Variants in HUNK observed in about 807,000 individuals in gnomAD.
The protein encoded by HUNK is hormonally up-regulated Neu-associated kinase.
HUNK carries 21 observed loss-of-function variants against 61.0 expected under a neutral mutation model. The observed-to-expected ratio is 0.34, with a 90% CI of 0.24 to 0.50. The LOEUF is 0.50. Ranked by LOEUF, HUNK falls within the 20% of genes least tolerant of loss-of-function variation. The pLI is 0.98. For missense variants in HUNK, 772 were observed against 945.7 expected (o/e 0.82, Z 2.41); for synonymous variants, 371 against 386.1 (o/e 0.96, Z 0.46).
intron 7 of HUNK, among the ~76,000 whole-genome samples, chr21:31,977,818 TCAGGAGGCTGAGG>T (rs574998824): frequency 6.6e-6 from 1 of 152,288 alleles, no homozygotes; most frequent in South Asian, 2.1e-4. Context: ...TCCCAGCTAC[TCAGGAGGCTGAGG>T]CAGGAGGATC....
intron 10 of HUNK, among the ~76,000 whole-genome samples, chr21:31,998,163 C>T (rs565985348): frequency 6.6e-6 from 1 of 152,314 alleles, no homozygotes; most frequent in East Asian, 1.9e-4. Flanking sequence ...AAGCAGTCCT[C>T]CCACCTTGGC....
Position 31,998,911 on chromosome 21 carries a change from C to T in HUNK, c.1872C>T (p.His624=), listed in dbSNP as rs376197217. The T allele has an allele frequency of 7.4e-6, 12 of 1,614,066 alleles. No homozygotes were observed. In the African/African-American group the frequency reaches 9.3e-5, roughly 13 times the overall value. The change falls in exon 11 of 11, where the codon CAC becomes CAT. Residue 624 remains histidine (H), a synonymous_variant. Transcript: ENST00000270112. ...ATCCAACTCTGGTCTCTTTTGCTCA[C>T]GAAGATAAGAACAGCCCCCCAAAAG... ...PLHPTLVSFA[H]EDKNSPPKEE... is the part of the protein sequence containing the mutation.
In HUNK at chr21:31,946,046, G is replaced by A; in HGVS notation, c.621G>A (p.Leu207=). 6.3e-7 allele frequency: 1 copy of A among 1,594,366 alleles called. No individual in the cohort carries two copies. The highest frequency in any genetic ancestry group is 8.6e-7 in the Non-Finnish European group (1 of 1,164,912). Residue 207 remains leucine (L), a synonymous_variant, in exon 4 of 11, where the codon TTG becomes TTA. Coordinates refer to ENST00000270112, the MANE Select transcript of HUNK (RefSeq NM_014586.2). ...CACCTCTCTTTGCAGACTTTGGTTT[G>A]AGCAACTGCGCAGGGATCCTGGGTT... ...DNNIKLIDFG[L]SNCAGILGYS... is the part of the protein sequence containing the mutation.
Position 31,873,574 on chromosome 21 carries a change from C to T in HUNK, c.-101C>T. On this transcript the variant is annotated 5_prime_UTR_variant, in exon 1 of 11. Transcript: ENST00000270112. The surrounding 1 kb of genome is among the most constrained non-coding windows in gnomAD (Gnocchi z 6.1). ...GCGGAGACCCAGGCGGGGCTGGGCC[C>T]AGGGCGGCGGCGGGAGAAGCCGGGG... 1 of 922,702 alleles carries T rather than the reference C, an allele frequency of 1.1e-6. No individual in the cohort carries two copies. The allele number at this position is 922,702 out of a possible 1,614,324, so 57.2% of individuals were successfully genotyped here. A position where few individuals can be genotyped will look rare whatever the true frequency, so the allele number is the denominator to read the frequency against.
intron 5 of HUNK, among the ~76,000 whole-genome samples, chr21:31,960,709 G>A (rs1032210241): frequency 6.6e-6 from 1 of 152,102 alleles, no homozygotes; most frequent in East Asian, 1.9e-4. Context: ...ATCAGATCTC[G>A]TGAGACTTAT....
intron 1 of HUNK, among the ~76,000 whole-genome samples, chr21:31,904,572 G>A (rs2052491876): frequency 6.6e-6 from 1 of 152,180 alleles, no homozygotes; most frequent in Admixed American, 6.5e-5. Flanking sequence ...AGGTTTGCTT[G>A]GAGATGTCTT....
chr21:31,957,131 A>G (rs2052894818), intron 4 of HUNK, among the ~76,000 whole-genome samples: 1 of 152,210 alleles, frequency 6.6e-6, no homozygotes, highest in African/African-American at 2.4e-5. Flanking sequence ...GGTGCAATTC[A>G]GCATTTTCTT....
chr21:31,973,852 G>A (rs1349769603), intron 6 of HUNK, among the ~76,000 whole-genome samples: 3 of 152,150 alleles, frequency 2.0e-5, no homozygotes, highest in Non-Finnish European at 4.4e-5. Flanking sequence ...AAATGAATGC[G>A]TAGATGAATG....
rs1166063129 is a variant in HUNK, at chr21:31,965,398, C to G, written c.875-2852C>G. ...ATGAAATAATCTGTACAACAAACTC[C>G]CATGACATGAGTTTACCTATATAAC... On this transcript the variant is annotated intron_variant, in intron 5 of 10. Coordinates refer to ENST00000270112, the MANE Select transcript of HUNK (RefSeq NM_014586.2). Among the ~76,000 whole-genome samples, 4 of 151,530 alleles carry G rather than the reference C, an allele frequency of 2.6e-5. No individual in the cohort carries two copies. The South Asian group carries it at 8.4e-4, about 32-fold the overall frequency.
intron 1 of HUNK, among the ~76,000 whole-genome samples, chr21:31,881,364 C>T (rs1280985315): frequency 2.0e-5 from 3 of 152,104 alleles, no homozygotes; most frequent in Non-Finnish European, 2.9e-5. Flanking sequence ...TGGTGGCTCA[C>T]GCGTGTAATC....
chr21:31,967,110 AG>A (rs988402986), intron 5 of HUNK, among the ~76,000 whole-genome samples: 11 of 152,244 alleles, frequency 7.2e-5, no homozygotes, highest in Non-Finnish European at 4.4e-5. Flanking sequence ...ACACTTTGGG[AG>A]GCTGAGGCAG....
rs181093434 is a variant in HUNK at position 31,979,602 on chromosome 21, G to A, written c.1174-3924G>A. Among the ~76,000 whole-genome samples the A allele has an allele frequency of 3.1e-3, 396 of 126,922 alleles. 1 individual carries two copies. Among genetic ancestry groups the A allele is most frequent in the African/African-American group, 0.011 (384 of 33,406 alleles). The allele number at this position is 126,922 out of a possible 152,430, so 83.3% of individuals were successfully genotyped here. The stretch of plus-strand genomic sequence containing the variant: ...GTGATCTCAGCTCACTGCAAGCTCC[G>A]CCTCCTGGGTTCACGCTATTCTCCA... On this transcript the variant is annotated intron_variant, in intron 7 of 10. Transcript: ENST00000270112.
intron 1 of HUNK, among the ~76,000 whole-genome samples, chr21:31,907,764 C>T (rs187534869): frequency 1.4e-3 from 218 of 151,978 alleles, no homozygotes; most frequent in African/African-American, 4.5e-3. Context: ...CCGAGGCAGG[C>T]GGATCACTTG....
At chr21:31,874,010 C>T (rs1376165228) in intron 1 of HUNK, 75 bp downstream of exon 1, 17 of 1,182,474 alleles carry the variant, frequency 1.4e-5, no homozygotes, top group Non-Finnish European at 1.9e-5. Context: ...GGGAGCACTG[C>T]ACTGGGAGTC....
At chr21:31,931,565 G>C (rs1451639649) in intron 2 of HUNK, among the ~76,000 whole-genome samples, 3 of 152,164 alleles carry the variant, frequency 2.0e-5, no homozygotes, top group East Asian at 3.9e-4. Flanking sequence ...TGCCCGGGCC[G>C]GGTTGGCGGG....
At chr21:31,988,729 CTCTT>C (rs1349031756) in intron 8 of HUNK, among the ~76,000 whole-genome samples, 2 of 147,872 alleles carry the variant, frequency 1.4e-5, no homozygotes, top group African/African-American at 2.5e-5. Flanking sequence ...CTTTCTTCCT[CTCTT>C]TCTTCTTTCT....
At chr21:31,952,737 C>T (rs2052860292) in intron 4 of HUNK, among the ~76,000 whole-genome samples, 1 of 117,210 alleles carries the variant, frequency 8.5e-6, no homozygotes, top group African/African-American at 3.2e-5. Context: ...ACCCCCCACC[C>T]AGTGTCTGCC....
At chr21:31,943,277 A>G (rs1210601268) in intron 3 of HUNK, among the ~76,000 whole-genome samples, 1 of 152,150 alleles carries the variant, frequency 6.6e-6, no homozygotes, top group Non-Finnish European at 1.5e-5. Context: ...GATGTCTGGT[A>G]AGTTTAATCT....
chr21:31,877,667 G>T (rs2833547), intron 1 of HUNK, among the ~76,000 whole-genome samples: 29,435 of 152,134 alleles, frequency 0.19, 3,508 homozygotes, highest in Middle Eastern at 0.29. Flanking sequence ...TTGATGATTA[G>T]ACCAGGGAAA....
Sources: allele counts gnomAD v4.1 joint callset (sites outside exome capture counted in the v4.1 genomes callset), GRCh38; gene constraint gnomAD v4.1.1; non-coding constraint Gnocchi (gnomAD v3.1); transcripts MANE v1.5; gene names NCBI Gene and HGNC (gene_info 2026-07-23, HGNC 2026-07-21).